The following STXBP2 variants were observed in gnomAD, a reference collection of about 807,000 sequenced individuals.
STXBP2 encodes the protein syntaxin-binding protein 2.
In STXBP2, 47 loss-of-function variants were observed where a neutral mutation model predicts 72.2. The ratio of observed to expected loss-of-function variants is 0.65; its 90% CI spans 0.51 to 0.83. STXBP2 has a LOEUF of 0.83. Ranked by LOEUF, STXBP2 falls within the 40% of genes least tolerant of loss-of-function variation. STXBP2 has a pLI of 0.00. For synonymous variants in STXBP2, 367 were observed against 338.7 expected (o/e 1.08, Z -0.92); for missense variants, 702 against 807.6 (o/e 0.87, Z 1.58).
At chr19:7,633,333 C>T, upstream of STXBP2, 2 of 1,299,432 alleles carry the variant, frequency 1.5e-6, no homozygotes, top group South Asian at 1.3e-5. Flanking sequence ...ATTAGGTGCC[C>T]TACAAACTAG....
chr19:7,632,128 T>TATTTTCTCCCTTTGGCCTCCC, upstream of STXBP2: 1 of 590,542 alleles, frequency 1.7e-6, no homozygotes, highest in East Asian at 2.9e-5. The surrounding 1 kb of genome is among the most constrained non-coding windows in gnomAD (Gnocchi z 5.2). Context: ...GAAGGGGTCC[T>TATTTTCTCCCTTTGGCCTCCC]ATTTTCTCCC....
At chr19:7,638,486 C>T (rs1599388478) in intron 1 of STXBP2, among the ~76,000 whole-genome samples, 1 of 152,166 alleles carries the variant, frequency 6.6e-6, no homozygotes, top group African/African-American at 2.4e-5. Context: ...CCTGTAGTCC[C>T]AGCTACTCGG....
At chr19:7,646,202 C>A in intron 15 of STXBP2, 47 bp from the exon 16 acceptor site, 1 of 1,527,710 alleles carries the variant, frequency 6.5e-7, no homozygotes, top group Non-Finnish European at 8.9e-7. Context: ...CTGTGACCAG[C>A]CTCCTTCCCC....
At chr19:7,640,002 A>G (rs2146209301) in intron 4 of STXBP2, 195 bp downstream of exon 4, 1 of 668,138 alleles carries the variant, frequency 1.5e-6, no homozygotes, top group South Asian at 1.5e-5. Context: ...ATGTGTGTCT[A>G]TGTATGTGTC....
intron 16 of STXBP2, 124 bp downstream of exon 16, chr19:7,646,468 G>T: frequency 1.1e-6 from 1 of 929,292 alleles, no homozygotes; most frequent in South Asian, 1.4e-5. Flanking sequence ...CATTCCCTTG[G>T]CACCGATCTG....
chr19:7,640,707 CAG>C (rs2031833407), intron 4 of STXBP2, 22 bp from the exon 5 acceptor site: 1 of 1,614,022 alleles, frequency 6.2e-7, no homozygotes, highest in African/African-American at 1.3e-5. Context: ...GGCTCAGGCC[CAG>C]AGAGTGATCC....
chr19:7,638,056 C>T (rs2031630919), intron 1 of STXBP2, among the ~76,000 whole-genome samples: 2 of 152,250 alleles, frequency 1.3e-5, no homozygotes, highest in Admixed American at 6.5e-5. Flanking sequence ...CTGAAACCCT[C>T]ACAGCAGGAA....
At chr19:7,630,347 G>C in the STXBP2 span, 1 of 576,752 alleles carries the variant, frequency 1.7e-6, no homozygotes, top group Non-Finnish European at 3.1e-6. Context: ...TGTTTGAGAG[G>C]AAGACTCCAG....
chr19:7,630,085 C>T, the STXBP2 span: 3 of 487,712 alleles, frequency 6.2e-6, no homozygotes, highest in South Asian at 3.5e-5. Context: ...AGGGCTGGTC[C>T]GAGGAAGGAC....
At chr19:7,647,059 C>A (rs1020288343) in intron 16 of STXBP2, 103 bp from the exon 17 acceptor site, 5 of 1,221,998 alleles carry the variant, frequency 4.1e-6, no homozygotes, top group South Asian at 1.3e-5. Context: ...GATGCTGGTT[C>A]CTGTCTGCCA....
At chr19:7,631,310 G>A in the STXBP2 span, 7 of 1,412,822 alleles carry the variant, frequency 5.0e-6, no homozygotes, top group South Asian at 1.6e-5. Flanking sequence ...CGGATCCCAC[G>A]CGGACCCCTT....
intron 3 of STXBP2, 84 bp from the exon 4 acceptor site, chr19:7,639,647 G>T: frequency 2.4e-6 from 3 of 1,267,482 alleles, no homozygotes; most frequent in Non-Finnish European, 3.4e-6. Flanking sequence ...TCCTCCCCAA[G>T]CCTCCAACCC....
rs1295937505 is a variant in STXBP2, at chr19:7,644,695, G to A, written c.1189G>A (p.Ala397Thr). The A allele has an allele frequency of 2.5e-6, 4 of 1,613,720 alleles. No individual in the cohort carries two copies. In the Admixed American group the frequency reaches 5.0e-5, roughly 20 times the overall value. The change falls in exon 14 of 19, where the codon GCG becomes ACG. Residue 397 changes from alanine to threonine, a missense_variant. By Grantham distance (58) the Ala-to-Thr change is moderately conservative. Transcript: ENST00000221283. ...KLIVPVLLDA[A>T]VPAYDKIRVL... is the part of the protein sequence containing the mutation. ...GATCGTTCCGGTGCTGCTGGACGCG[G>A]CGGTGCCCGCCTACGACAAGATCCG...
chr19:7,631,002 A>C, the STXBP2 span: 1 of 985,180 alleles, frequency 1.0e-6, no homozygotes, highest in East Asian at 2.6e-5. Flanking sequence ...TGAGGTCAGG[A>C]GTTCAAAACC....
At chr19:7,644,920 G>A in intron 14 of STXBP2, 168 bp downstream of exon 14, 1 of 1,469,264 alleles carries the variant, frequency 6.8e-7, no homozygotes, top group Non-Finnish European at 9.0e-7. Context: ...TTGGCTTGGG[G>A]ATTCCTCCAC....
chr19:7,642,136 G>A lies in STXBP2; in HGVS notation c.663+18G>A. On this transcript the variant is annotated intron_variant, in intron 8 of 18. Transcript: ENST00000221283. The surrounding 1 kb of genome is among the most constrained non-coding windows in gnomAD (Gnocchi z 6.0). Reference sequence around the variant, plus strand: ...TGGGCGAGGTGAGGGGGCGTGCTTGGGAGGTGAGGGGCAGCCCCAACCGGC... The same window carrying A: ...TGGGCGAGGTGAGGGGGCGTGCTTGAGAGGTGAGGGGCAGCCCCAACCGGC... 6.2e-7 allele frequency: 1 copy of A among 1,613,106 alleles called. No individual in the cohort carries two copies. Among genetic ancestry groups the A allele is most frequent in the Non-Finnish European group, 8.5e-7 (1 of 1,179,976 alleles).
chr19:7,638,859 G>A, intron 2 of STXBP2, 84 bp downstream of exon 2: 5 of 1,596,876 alleles, frequency 3.1e-6, no homozygotes, highest in Non-Finnish European at 4.3e-6. Context: ...GGACCCCCAA[G>A]AACTGCCTGT....
At chr19:7,638,877 G>A (rs1351900196) in intron 2 of STXBP2, 102 bp downstream of exon 2, 12 of 1,569,444 alleles carry the variant, frequency 7.6e-6, no homozygotes, top group Admixed American at 1.7e-5. Context: ...TGTCCACATG[G>A]GTGGAGTTGG....
Position 7,645,269 on chromosome 19 carries a change from A to C in STXBP2, c.1319A>C (p.Asn440Thr). Residue 440 changes from asparagine to threonine, a missense_variant, in exon 15 of 19, where the codon AAC (asparagine) becomes ACC (threonine). Transcript: ENST00000221283. ...NVQAHSSLIR[N>T]LEQLGGTVTN... ...CAGGCGCACAGCAGCCTCATCCGTA[A>C]CCTGGAGCAGCTGGGAGGCACTGTC... 1 of 1,587,312 alleles carries C rather than the reference A, an allele frequency of 6.3e-7. No homozygotes were observed. Among genetic ancestry groups the C allele is most frequent in the South Asian group, 1.1e-5 (1 of 87,354 alleles).
Sources: allele counts gnomAD v4.1 joint callset (sites outside exome capture counted in the v4.1 genomes callset), GRCh38; gene constraint gnomAD v4.1.1; non-coding constraint Gnocchi (gnomAD v3.1); transcripts MANE v1.5; gene names NCBI Gene and HGNC (gene_info 2026-07-23, HGNC 2026-07-21).